The following MRTFA variants were observed in gnomAD, a reference collection of about 807,000 sequenced individuals.
The protein encoded by MRTFA is myocardin-related transcription factor A.
Under a neutral mutation model 83.5 loss-of-function variants are expected in MRTFA, and 20 were observed. That is an observed-to-expected ratio of 0.24 (90% CI 0.17 to 0.35). The LOEUF (loss-of-function observed/expected upper bound fraction) is 0.35. MRTFA is among the 10% of genes least tolerant of loss of function. The pLI is 1.00. For missense variants in MRTFA, 1,200 were observed against 1,224.7 expected (o/e 0.98, Z 0.30); for synonymous variants, 659 against 541.2 (o/e 1.22, Z -3.02).
At chr22:40,437,475 T>C (rs1300497022) in intron 4 of MRTFA, among the ~76,000 whole-genome samples, 1 of 152,114 alleles carries the variant, frequency 6.6e-6, no homozygotes. Context: ...AAATACTACG[T>C]ATCTGGCTGG....
intron 3 of MRTFA, among the ~76,000 whole-genome samples, chr22:40,512,739 T>C (rs1395863670): frequency 1.3e-5 from 2 of 152,226 alleles, no homozygotes; most frequent in Non-Finnish European, 2.9e-5. Context: ...TGATGTAATG[T>C]TGGCAGAGGC....
intron 3 of MRTFA, among the ~76,000 whole-genome samples, chr22:40,513,945 A>T (rs1569305742): frequency 3.4e-5 from 5 of 146,798 alleles, no homozygotes; most frequent in African/African-American, 2.5e-5. Flanking sequence ...TAAAGTAATA[A>T]TTTTTTTTTT....
Position 40,411,500 on chromosome 22 carries a change from C to A in MRTFA, c.2986G>T (p.Gly996Cys). ...GGGGCTAGGCTCAGCACGGGACCACCTGACGACAGCTCCAGCCAGTCCATG... is the reference window on the plus strand; with the variant it reads ...GGGGCTAGGCTCAGCACGGGACCACATGACGACAGCTCCAGCCAGTCCATG... Residue 996 changes from glycine (G) to cysteine (C), a missense_variant, in exon 15 of 15, where the codon GGT becomes TGT. This residue lies in a region of MRTFA where 1,107 missense variants were observed against 1,041.8 expected (regional missense o/e 1.06). Transcript: ENST00000355630. 1 of 1,611,462 alleles carries A rather than the reference C, an allele frequency of 6.2e-7. No individual in the cohort carries two copies. Among genetic ancestry groups the A allele is most frequent in the Non-Finnish European group, 8.5e-7 (1 of 1,178,116 alleles).
chr22:40,418,795 A>G lies in MRTFA; in HGVS notation c.1943T>C (p.Val648Ala). The G allele has an allele frequency of 1.3e-6, 2 of 1,598,936 alleles. No individual in the cohort carries two copies. The highest frequency in any genetic ancestry group is 8.5e-7 in the Non-Finnish European group (1 of 1,175,770). Residue 648 changes from valine (V) to alanine (A), a missense_variant, in exon 12 of 15, where the codon GTG becomes GCG. By Grantham distance (64) the Val-to-Ala change is moderately conservative. Coordinates refer to ENST00000355630, the MANE Select transcript of MRTFA (RefSeq NM_020831.6). ...CTCCAGCTGCAGCTTGAGCCGCTCC[A>G]CCAGCTGCTGCTTCTGCCGGAGCAT...
intron 3 of MRTFA, among the ~76,000 whole-genome samples, chr22:40,480,218 C>G (rs931393328): frequency 6.6e-6 from 1 of 151,992 alleles, no homozygotes; most frequent in African/African-American, 2.4e-5. Context: ...AATGTATAGC[C>G]TGAATCTTCA....
chr22:40,492,010 G>A (rs958569439), intron 3 of MRTFA, among the ~76,000 whole-genome samples: 6 of 152,304 alleles, frequency 3.9e-5, no homozygotes, highest in Non-Finnish European at 7.4e-5. Context: ...GTGATAATGG[G>A]TCAGGCACAC....
intron 1 of MRTFA, among the ~76,000 whole-genome samples, chr22:40,600,857 A>G (rs933352623): frequency 6.6e-6 from 1 of 152,190 alleles, no homozygotes; most frequent in African/African-American, 2.4e-5. Flanking sequence ...ACACGCCTGT[A>G]GTCCCAGCTA....
At chr22:40,518,946 G>T (rs1174703864) in intron 3 of MRTFA, among the ~76,000 whole-genome samples, 1 of 150,680 alleles carries the variant, frequency 6.6e-6, no homozygotes, top group African/African-American at 2.4e-5. Context: ...CTAGACATAT[G>T]TCTCTTTTAT....
chr22:40,550,423 G>C (rs551577314), intron 3 of MRTFA, among the ~76,000 whole-genome samples: 4 of 152,306 alleles, frequency 2.6e-5, no homozygotes, highest in Admixed American at 2.0e-4. Flanking sequence ...TACTGACACA[G>C]AGATGGACAG....
chr22:40,604,128 CTTT>C (rs959099655), intron 1 of MRTFA, among the ~76,000 whole-genome samples: 1 of 140,848 alleles, frequency 7.1e-6, no homozygotes, highest in Non-Finnish European at 1.6e-5. Context: ...CTGTTAGTTT[CTTT>C]TTTTTTTTTT....
At chr22:40,449,064 G>C (rs548907484) in intron 4 of MRTFA, among the ~76,000 whole-genome samples, 1 of 152,252 alleles carries the variant, frequency 6.6e-6, no homozygotes, top group East Asian at 1.9e-4. Flanking sequence ...AGGACATTGA[G>C]ACCATCCCGG....
chr22:40,509,887 C>T (rs529339772), intron 3 of MRTFA, among the ~76,000 whole-genome samples: 6 of 147,844 alleles, frequency 4.1e-5, no homozygotes, highest in South Asian at 2.1e-4. Flanking sequence ...TTCTCAATGA[C>T]GCAGGCTCCC....
intron 4 of MRTFA, among the ~76,000 whole-genome samples, chr22:40,446,127 G>A (rs2053373305): frequency 6.6e-6 from 1 of 152,176 alleles, no homozygotes; most frequent in Admixed American, 6.5e-5. Context: ...TTTGAAAGGT[G>A]ACACCAGATC....
intron 3 of MRTFA, among the ~76,000 whole-genome samples, chr22:40,481,745 A>C (rs933662324): frequency 1.1e-4 from 17 of 152,198 alleles, no homozygotes; most frequent in African/African-American, 4.1e-4. Context: ...GCTTGCCTTG[A>C]AAAGAAAACT....
At chr22:40,458,718 G>A (rs1043843945) in intron 4 of MRTFA, among the ~76,000 whole-genome samples, 5 of 152,038 alleles carry the variant, frequency 3.3e-5, no homozygotes, top group South Asian at 4.1e-4. Context: ...CCATTCCCTC[G>A]GCTTGAGGGC....
At chr22:40,583,120 TGA>T (rs2055975148) in intron 2 of MRTFA, among the ~76,000 whole-genome samples, 1 of 152,140 alleles carries the variant, frequency 6.6e-6, no homozygotes, top group African/African-American at 2.4e-5. Context: ...TATTCTTCCC[TGA>T]TTAAAAAAAA....
At chr22:40,442,426 A>G (rs948735096) in intron 4 of MRTFA, among the ~76,000 whole-genome samples, 5 of 152,238 alleles carry the variant, frequency 3.3e-5, no homozygotes, top group African/African-American at 1.2e-4. Context: ...AGCAGGGAGC[A>G]TATACACAGA....
At chr22:40,424,882 C>T (rs1459080864) in intron 7 of MRTFA, among the ~76,000 whole-genome samples, 2 of 152,184 alleles carry the variant, frequency 1.3e-5, no homozygotes, top group African/African-American at 4.8e-5. Flanking sequence ...GCCTGGGTAA[C>T]AGCCCTGTGA....
At chr22:40,473,138 T>A (rs2053942929) in intron 3 of MRTFA, among the ~76,000 whole-genome samples, 1 of 152,130 alleles carries the variant, frequency 6.6e-6, no homozygotes, top group Non-Finnish European at 1.5e-5. Flanking sequence ...TACAGTGTAG[T>A]ACATTTACTA....
Sources: allele counts gnomAD v4.1 joint callset (sites outside exome capture counted in the v4.1 genomes callset), GRCh38; gene constraint gnomAD v4.1.1; regional missense constraint gnomAD v4.1.1; transcripts MANE v1.5; gene names NCBI Gene and HGNC (gene_info 2026-07-23, HGNC 2026-07-21).